The following TBC1D32 variants were observed in gnomAD, a reference collection of about 807,000 sequenced individuals.
TBC1D32 encodes TBC1 domain family member 32.
Under a neutral mutation model 170.3 loss-of-function variants are expected in TBC1D32, and 151 were observed. The ratio of observed to expected loss-of-function variants is 0.89; its 90% CI spans 0.78 to 1.01. TBC1D32 has a LOEUF of 1.01. TBC1D32 is among the 50% of genes least tolerant of loss of function. The pLI, the probability that TBC1D32 is intolerant of heterozygous loss-of-function variation, is 0.00. For missense variants in TBC1D32, 1,464 were observed against 1,457.1 expected (o/e 1.00, Z -0.08); for synonymous variants, 498 against 488.0 (o/e 1.02, Z -0.27).
intron 2 of TBC1D32, among the ~76,000 whole-genome samples, chr6:121,319,649 C>G (rs896608248): frequency 6.6e-6 from 1 of 152,094 alleles, no homozygotes; most frequent in Non-Finnish European, 1.5e-5. Flanking sequence ...TACTTAAAAT[C>G]CATAGAAAAT....
intron 15 of TBC1D32, among the ~76,000 whole-genome samples, chr6:121,272,538 G>C (rs144763152): frequency 0.033 from 4,990 of 152,206 alleles, 200 homozygotes; most frequent in East Asian, 0.12. Flanking sequence ...TCAGAGAAAT[G>C]CAAATCAAAA....
intron 13 of TBC1D32, among the ~76,000 whole-genome samples, chr6:121,282,754 C>T (rs141571568): frequency 2.0e-5 from 3 of 151,862 alleles, no homozygotes; most frequent in African/African-American, 7.2e-5. Flanking sequence ...AAACAGTCCA[C>T]ATCATGGTAA....
chr6:121,211,487 C>T (rs1191544757), intron 21 of TBC1D32, among the ~76,000 whole-genome samples: 1 of 152,050 alleles, frequency 6.6e-6, no homozygotes, highest in Non-Finnish European at 1.5e-5. Flanking sequence ...CCCATTGAGT[C>T]CCCCAAGTCC....
chr6:121,140,017 T>C (rs1437640399), intron 24 of TBC1D32, among the ~76,000 whole-genome samples: 1 of 152,076 alleles, frequency 6.6e-6, no homozygotes, highest in Admixed American at 6.5e-5. Flanking sequence ...TGCATTAACA[T>C]TGCCAGGGGT....
chr6:121,274,970 A>C (rs1391000897), intron 15 of TBC1D32, among the ~76,000 whole-genome samples: 1 of 151,484 alleles, frequency 6.6e-6, no homozygotes, highest in Non-Finnish European at 1.5e-5. Flanking sequence ...AGCAACAAAC[A>C]AAAAAAAAGA....
chr6:121,154,386 C>A (rs1784606379), intron 24 of TBC1D32, among the ~76,000 whole-genome samples: 1 of 152,150 alleles, frequency 6.6e-6, no homozygotes, highest in Non-Finnish European at 1.5e-5. Context: ...AAATCACCCG[C>A]CTTCTGCATT....
chr6:121,170,741 C>T (rs1786866096), intron 22 of TBC1D32, among the ~76,000 whole-genome samples: 1 of 151,916 alleles, frequency 6.6e-6, no homozygotes, highest in African/African-American at 2.4e-5. Context: ...TGGGTAATTT[C>T]CAATCTAGAT....
rs766895595 is a variant in TBC1D32 at position 121,299,450 on chromosome 6, G to T, written c.1136C>A (p.Ser379Tyr). 4.7e-6 allele frequency: 7 copies of T among 1,503,684 alleles called. No individual in the cohort carries two copies. In the African/African-American group the frequency reaches 9.6e-5, roughly 21 times the overall value. The allele number at this position is 1,503,684 out of a possible 1,614,324, so 93.1% of individuals were successfully genotyped here. ...VLRLLETKYK[S>Y]LVTTAIQQCV... ...AAAACAGAATTACAGACTTACCAGA[G>T]ACTTATATTTCGTTTCAAGAAGTCT... Residue 379 changes from serine (S) to tyrosine (Y), a missense_variant, in exon 10 of 32, where the codon TCT (serine) becomes TAT (tyrosine). Ser to Tyr is a moderately radical substitution (Grantham distance 144). Around this residue, in one of 3 missense-constraint regions of TBC1D32, gnomAD observed 1,363 missense variants for 1,338.1 expected, o/e 1.02. Coordinates refer to ENST00000398212, the MANE Select transcript of TBC1D32 (RefSeq NM_152730.6).
chr6:121,279,264 A>G lies in TBC1D32; in HGVS notation c.1609-19T>C. ...GAGATGCCTGTACATTAAAAAGAAAACAAGACAAATCACATAATTTTATGA... is the reference window on the plus strand; with the variant it reads ...GAGATGCCTGTACATTAAAAAGAAAGCAAGACAAATCACATAATTTTATGA... On this transcript the variant is annotated intron_variant, in intron 14 of 31. Transcript: ENST00000398212. 6.3e-7 allele frequency: 1 copy of G among 1,595,924 alleles called. No individual in the cohort carries two copies. Among genetic ancestry groups the G allele is most frequent in the South Asian group, 1.1e-5 (1 of 86,968 alleles).
At chr6:121,245,986 T>C (rs1797544333) in intron 17 of TBC1D32, among the ~76,000 whole-genome samples, 1 of 152,126 alleles carries the variant, frequency 6.6e-6, no homozygotes, top group Non-Finnish European at 1.5e-5. Context: ...ACCACCATCA[T>C]GGCTGGGACC....
chr6:121,100,202 T>C (rs1429804690), intron 30 of TBC1D32, among the ~76,000 whole-genome samples: 1 of 152,004 alleles, frequency 6.6e-6, no homozygotes, highest in African/African-American at 2.4e-5. Context: ...TGGTCAATTT[T>C]GGAATAAGTG....
chr6:121,245,786 C>T (rs967465353), intron 17 of TBC1D32, among the ~76,000 whole-genome samples: 1 of 151,948 alleles, frequency 6.6e-6, no homozygotes, highest in African/African-American at 2.4e-5. Context: ...GACTATTACT[C>T]CCTACTTGAA....
chr6:121,256,554 A>G (rs1799047433), intron 15 of TBC1D32, among the ~76,000 whole-genome samples: 1 of 152,222 alleles, frequency 6.6e-6, no homozygotes, highest in African/African-American at 2.4e-5. Flanking sequence ...AGCCATGTAG[A>G]TAAGTATTGT....
rs544542402 is a variant in TBC1D32 at position 121,158,404 on chromosome 6, C to G, written c.2773+1606G>C. ...TTATTTTTTCTTTTAGCTCCTGGAT[C>G]ATTGCACTGGATTCCTTGGATTTCT... On this transcript the variant is annotated intron_variant, in intron 24 of 31. Coordinates refer to ENST00000398212, the MANE Select transcript of TBC1D32 (RefSeq NM_152730.6). Among the ~76,000 whole-genome samples, 8 of 152,234 alleles carry G rather than the reference C, an allele frequency of 5.3e-5. No individual in the cohort carries two copies. The Middle Eastern group carries it at 0.01, about 196-fold the overall frequency.
intron 22 of TBC1D32, among the ~76,000 whole-genome samples, chr6:121,187,587 T>TTCC (rs912861936): frequency 6.6e-6 from 1 of 152,014 alleles, no homozygotes; most frequent in African/African-American, 2.4e-5. Context: ...CTTGAAAAAC[T>TTCC]TCCTCCGTAC....
intron 31 of TBC1D32, among the ~76,000 whole-genome samples, chr6:121,087,760 G>A (rs1041817959): frequency 2.6e-5 from 4 of 152,012 alleles, no homozygotes; most frequent in African/African-American, 7.2e-5. Context: ...AAAGAAGTAT[G>A]AGCTCATTCC....
chr6:121,294,769 A>C, intron 10 of TBC1D32, 109 bp from the exon 11 acceptor site: 1 of 857,310 alleles, frequency 1.2e-6, no homozygotes. Context: ...ATTTGAGAAA[A>C]ATATTTAGTA....
At chr6:121,300,429 AGAGT>A (rs1806289476) in intron 9 of TBC1D32, among the ~76,000 whole-genome samples, 2 of 152,118 alleles carry the variant, frequency 1.3e-5, no homozygotes, top group Non-Finnish European at 2.9e-5. Flanking sequence ...CCTGGGTGAC[AGAGT>A]GAGACTCCAT....
intron 24 of TBC1D32, among the ~76,000 whole-genome samples, chr6:121,142,247 A>T (rs1474692428): frequency 6.6e-6 from 1 of 152,248 alleles, no homozygotes; most frequent in East Asian, 1.9e-4. Flanking sequence ...CAGACTTGGC[A>T]TGAATGTTTA....
Sources: allele counts gnomAD v4.1 joint callset (sites outside exome capture counted in the v4.1 genomes callset), GRCh38; gene constraint gnomAD v4.1.1; regional missense constraint gnomAD v4.1.1; transcripts MANE v1.5; gene names NCBI Gene and HGNC (gene_info 2026-07-23, HGNC 2026-07-21).